HADHB: variants seen among roughly 807,000 people sequenced by gnomAD.
HADHB encodes the protein hydroxyacyl-CoA dehydrogenase trifunctional multienzyme complex subunit beta.
A neutral mutation model predicts 61.9 loss-of-function variants in HADHB; 50 were observed. The observed-to-expected ratio is 0.81, with a 90% CI of 0.64 to 1.02. The LOEUF is 1.02. Among genes scored for constraint, HADHB ranks in the 50% least tolerant of loss-of-function variants. HADHB has a pLI of 0.00. For synonymous variants in HADHB, 191 were observed against 201.6 expected, an observed-to-expected ratio of 0.95 and a Z score of 0.45; for missense variants, 504 against 586.5, an observed-to-expected ratio of 0.86 and a Z score of 1.45.
intron 3 of HADHB, among the ~76,000 whole-genome samples, chr2:26,262,645 C>G (rs750767676): frequency 6.6e-6 from 1 of 152,168 alleles, no homozygotes; most frequent in Non-Finnish European, 1.5e-5. Flanking sequence ...TGCAGAATAG[C>G]AAGTCACCAA....
At chr2:26,248,385 C>CTT (rs879639890) in intron 1 of HADHB, among the ~76,000 whole-genome samples, 1,825 of 145,068 alleles carry the variant, frequency 0.013, 31 homozygotes, top group African/African-American at 0.042. Context: ...TTGAGTATTT[C>CTT]TTTTTTTTTT....
intron 4 of HADHB, among the ~76,000 whole-genome samples, chr2:26,267,572 G>C (rs781534448): frequency 3.9e-5 from 6 of 152,080 alleles, no homozygotes; most frequent in Non-Finnish European, 5.9e-5. Context: ...AGGAGTTCGA[G>C]ACCAGCCTGG....
At position 26,251,674 on chromosome 2, in the gene HADHB, C is replaced by T. The variant is rs1402724353; in HGVS notation, c.-8-2573C>T. The stretch of plus-strand genomic sequence containing the variant: ...ATGGGCCTCTTTGTGTTTCTCTGGC[C>T]AGAGTCCTTTGAATATCCCTAGGCT... On this transcript the variant is annotated intron_variant, in intron 1 of 15. Transcript: ENST00000317799. Among the ~76,000 whole-genome samples the T allele has an allele frequency of 2.6e-5, 4 of 152,220 alleles. No homozygotes were observed. In the South Asian group the frequency reaches 8.3e-4, roughly 32 times the overall value.
chr2:26,257,794 C>T (rs951046313), intron 3 of HADHB, among the ~76,000 whole-genome samples: 1 of 151,768 alleles, frequency 6.6e-6, no homozygotes, highest in African/African-American at 2.4e-5. Context: ...CTGAGGCAGG[C>T]GGATCACGAG....
intron 4 of HADHB, among the ~76,000 whole-genome samples, chr2:26,264,553 CAAA>C (rs34189488): frequency 1.1e-4 from 8 of 73,722 alleles, no homozygotes; most frequent in African/African-American, 2.3e-4. Flanking sequence ...GACTCCATCT[CAAA>C]AAAAAAAAAA....
intron 8 of HADHB, 148 bp from the exon 9 acceptor site, chr2:26,278,987 T>C: frequency 3.4e-6 from 3 of 889,736 alleles, no homozygotes; most frequent in Non-Finnish European, 5.6e-6. Context: ...TTAGAGATCC[T>C]CTTTAGAGAT....
chr2:26,254,225 A>G (rs745779546), intron 1 of HADHB, 22 bp from the exon 2 acceptor site: 59 of 1,033,354 alleles, frequency 5.7e-5, no homozygotes, highest in Non-Finnish European at 7.8e-5. Flanking sequence ...TCCAGGATAT[A>G]CTTTTGTTCT....
At chr2:26,268,302 T>C (rs2147814857) in intron 4 of HADHB, among the ~76,000 whole-genome samples, 1 of 152,366 alleles carries the variant, frequency 6.6e-6, no homozygotes, top group African/African-American at 2.4e-5. Flanking sequence ...ATTTATCAAT[T>C]ACTATGATGA....
intron 6 of HADHB, among the ~76,000 whole-genome samples, chr2:26,275,178 T>A (rs986377907): frequency 1.3e-5 from 2 of 152,168 alleles, no homozygotes; most frequent in Non-Finnish European, 2.9e-5. Flanking sequence ...TAACATAATT[T>A]CCAGCCAAAG....
intron 7 of HADHB, among the ~76,000 whole-genome samples, 153 bp from the exon 8 acceptor site, chr2:26,278,461 T>C (rs948390021): frequency 1.3e-5 from 2 of 152,276 alleles, no homozygotes; most frequent in African/African-American, 4.8e-5. Context: ...TTAAGAAAAT[T>C]ACCTTAATTC....
intron 3 of HADHB, chr2:26,261,147 G>A: frequency 2.8e-6 from 2 of 714,820 alleles, no homozygotes; most frequent in Non-Finnish European, 4.9e-6. Flanking sequence ...GGCAGGGACT[G>A]TAAGCAGGGC....
chr2:26,257,685 C>T (rs574413498), intron 3 of HADHB, among the ~76,000 whole-genome samples: 1 of 152,184 alleles, frequency 6.6e-6, no homozygotes, highest in South Asian at 2.1e-4. Flanking sequence ...AAAGATGTTA[C>T]TGGGACCTGT....
In HADHB at chr2:26,284,203, C is replaced by T. The variant is rs144711755; in HGVS notation, c.1148C>T (p.Ser383Leu). 26 of 1,510,426 alleles carry T rather than the reference C, an allele frequency of 1.7e-5. No homozygotes were observed. The highest frequency in any genetic ancestry group is 2.3e-5 in the East Asian group (1 of 44,216). 93.6% of individuals were successfully genotyped at this position (1,510,426 alleles called of 1,614,324 possible). Residue 383 changes from serine to leucine, a missense_variant and splice_region_variant, in exon 13 of 16, where the codon TCG becomes TTG. Transcript: ENST00000317799. ...IDAFEFHEAF[S>L]GQILANFKAM... is the part of the protein sequence containing the mutation. Reference sequence around the variant, plus strand: ...GCTTTTGAATTTCATGAAGCTTTCTCGGTAAGTAATTTGAAAGACACATAT... The same window carrying T: ...GCTTTTGAATTTCATGAAGCTTTCTTGGTAAGTAATTTGAAAGACACATAT...
chr2:26,261,319 G>T, intron 3 of HADHB: 1 of 399,746 alleles, frequency 2.5e-6, no homozygotes, highest in South Asian at 4.8e-5. Context: ...AACAGGCATT[G>T]CAGAATACAT....
intron 15 of HADHB, among the ~76,000 whole-genome samples, chr2:26,287,372 G>T (rs1427344976): frequency 2.0e-5 from 3 of 152,156 alleles, no homozygotes; most frequent in Non-Finnish European, 4.4e-5. Flanking sequence ...GAAAACCATG[G>T]TCCATTAAGA....
chr2:26,260,970 T>G lies in HADHB; in HGVS notation c.110-2410T>G. On this transcript the variant is annotated intron_variant, in intron 3 of 15. Transcript: ENST00000317799. ...ACTAATTGGCATTTCTTTCCATGCT[T>G]CTTTGCCTAGAGAGAGAATCTGACC... 4.2e-6 allele frequency: 6 copies of G among 1,422,492 alleles called. No homozygotes were observed. The South Asian group carries it at 6.2e-5, about 15-fold the overall frequency. The allele number at this position is 1,422,492 out of a possible 1,614,324, so 88.1% of individuals were successfully genotyped here. A position where few individuals can be genotyped will look rare whatever the true frequency, so the allele number is the denominator to read the frequency against.
At chr2:26,283,502 C>A (rs538399034) in intron 12 of HADHB, among the ~76,000 whole-genome samples, 6 of 151,950 alleles carry the variant, frequency 3.9e-5, no homozygotes, top group Admixed American at 3.3e-4. Context: ...CCAGCCTGGG[C>A]GACAGAGCGA....
At chr2:26,269,248 C>G (rs1326361976) in intron 4 of HADHB, among the ~76,000 whole-genome samples, 1 of 152,134 alleles carries the variant, frequency 6.6e-6, no homozygotes, top group East Asian at 1.9e-4. Flanking sequence ...GCTGCCCAGA[C>G]TGGAGTGCAG....
At position 26,254,427 on chromosome 2, in the gene HADHB, C is replaced by A. The variant is rs1421489227; in HGVS notation, c.65-3C>A. On this transcript the variant is annotated splice_region_variant and splice_polypyrimidine_tract_variant and intron_variant, in intron 2 of 15. Coordinates refer to ENST00000317799, the MANE Select transcript of HADHB (RefSeq NM_000183.3). ...TTTGTAAACAGTTTATTTTGTCTTC[C>A]AGCCATAAGACCTCTGAGCTGTTCC... 1.2e-6 allele frequency: 2 copies of A among 1,601,448 alleles called. No individual in the cohort carries two copies. The highest frequency in any genetic ancestry group is 3.3e-5 in the Admixed American group (2 of 60,000).
Sources: allele counts gnomAD v4.1 joint callset (sites outside exome capture counted in the v4.1 genomes callset), GRCh38; gene constraint gnomAD v4.1.1; transcripts MANE v1.5; gene names NCBI Gene and HGNC (gene_info 2026-07-23, HGNC 2026-07-21).